Variants in MIDN observed in about 807,000 individuals in gnomAD.
The protein encoded by MIDN is midnolin, also known as midbrain nucleolar protein.
In MIDN, 26 loss-of-function variants were observed where a neutral mutation model predicts 46.1. The observed-to-expected ratio is 0.56, with a 90% confidence interval of 0.41 to 0.78. The LOEUF (loss-of-function observed/expected upper bound fraction) is 0.78. MIDN is among the 30% of genes least tolerant of loss of function. The pLI, the probability that MIDN is intolerant of heterozygous loss-of-function variation, is 0.00. For synonymous variants in MIDN, 432 were observed against 343.3 expected, an observed-to-expected ratio of 1.26 and a Z score of -2.86; for missense variants, 850 against 771.8, an observed-to-expected ratio of 1.10 and a Z score of -1.20.
At chr19:1,251,962 CGACG>C in intron 4 of MIDN, 61 bp downstream of exon 4, 1 of 1,420,490 alleles carries the variant, frequency 7.0e-7, no homozygotes. Context: ...CCTTGGCCAC[CGACG>C]GGGCCTGGGG....
At chr19:1,256,093 C>T (rs1044830113) in intron 8 of MIDN, among the ~76,000 whole-genome samples, 20 of 152,380 alleles carry the variant, frequency 1.3e-4, no homozygotes, top group South Asian at 6.2e-4. Flanking sequence ...TACTCCCAAA[C>T]GGCGGGTTAC....
At position 1,258,720 on chromosome 19, in the gene MIDN, G is replaced by A. The variant is rs560902373; in HGVS notation, c.*1448G>A. On this transcript the variant is annotated 3_prime_UTR_variant, in exon 9 of 9. Transcript: ENST00000682408. ...CTGTAGCGCTGTAAATTTTTTTGTG[G>A]GAGGGTGGGCAGGGAGGGGTCCCAG... is the stretch of plus-strand genomic sequence containing the variant. The A allele has an allele frequency of 6.6e-5, 10 of 151,208 alleles. No individual in the cohort carries two copies. The highest frequency in any genetic ancestry group is 1.5e-4 in the Non-Finnish European group (10 of 67,734). 9.4% of individuals were successfully genotyped at this position (151,208 alleles called of 1,614,324 possible). A position where few individuals can be genotyped will look rare whatever the true frequency, so the allele number is the denominator to read the frequency against.
rs1259894674 is a variant in MIDN at position 1,257,904 on chromosome 19, T to TC, written c.*632_*633insC. ...CACTCCTATCCTCTTTTCTTGATCT[T>TC]TTTTTTGCATTTTCCTTCATTTCTT... On this transcript the variant is annotated 3_prime_UTR_variant, in exon 9 of 9. Transcript: ENST00000682408. 1 of 149,892 alleles carries TC rather than the reference T, an allele frequency of 6.7e-6. No individual in the cohort carries two copies. The highest frequency in any genetic ancestry group is 2.5e-5 in the African/African-American group (1 of 39,224). 9.3% of individuals were successfully genotyped at this position (149,892 alleles called of 1,614,324 possible).
intron 2 of MIDN, among the ~76,000 whole-genome samples, chr19:1,250,786 G>A (rs2081116326): frequency 6.6e-6 from 1 of 151,840 alleles, no homozygotes; most frequent in Non-Finnish European, 1.5e-5. Flanking sequence ...GGAATCCCAG[G>A]GCGTTGCGGG....
At chr19:1,252,566 C>T (rs1465071936) in intron 4 of MIDN, among the ~76,000 whole-genome samples, 18 of 150,492 alleles carry the variant, frequency 1.2e-4, no homozygotes, top group Admixed American at 5.3e-4. Flanking sequence ...TTTTCTCCTT[C>T]TTTCCTCATT....
intron 4 of MIDN, among the ~76,000 whole-genome samples, chr19:1,252,665 A>G (rs1367449139): frequency 3.3e-5 from 5 of 151,822 alleles, no homozygotes; most frequent in Non-Finnish European, 7.4e-5. Context: ...GCCCGCTGCC[A>G]GGGTGGGGGA....
Position 1,254,055 on chromosome 19 carries a change from C to T in MIDN, c.486C>T (p.Ser162=). The change falls in exon 5 of 9, where the codon AGC becomes AGT. Residue 162 remains serine (S), a synonymous_variant. Transcript: ENST00000682408. ...KRPWHRQGPQ[S]PERGGERPQV... ...CGTGGCACCGACAGGGACCCCAGAG[C>T]CCAGAGAGGGGCGGCGAGAGGCCCC... is the stretch of plus-strand genomic sequence containing the variant. 1 of 1,461,778 alleles carries T rather than the reference C, an allele frequency of 6.8e-7. No homozygotes were observed. Among genetic ancestry groups the T allele is most frequent in the East Asian group, 2.7e-5 (1 of 36,572 alleles). 90.6% of individuals were successfully genotyped at this position (1,461,778 alleles called of 1,614,324 possible).
Position 1,257,303 on chromosome 19 carries a change from C to A in MIDN, c.*31C>A. 1 of 1,599,050 alleles carries A rather than the reference C, an allele frequency of 6.3e-7. No individual in the cohort carries two copies. The highest frequency in any genetic ancestry group is 8.5e-7 in the Non-Finnish European group (1 of 1,169,950). On this transcript the variant is annotated 3_prime_UTR_variant, in exon 9 of 9. Transcript: ENST00000682408. Reference sequence around the variant, plus strand: ...TCGGATCGGCCACCCTCGCCCCTCGCACCCCAGCCCAGGGCGGCGGGGACT... The same window carrying A: ...TCGGATCGGCCACCCTCGCCCCTCGAACCCCAGCCCAGGGCGGCGGGGACT...
intron 2 of MIDN, 31 bp downstream of exon 2, chr19:1,250,560 C>G: frequency 8.9e-7 from 1 of 1,118,894 alleles, no homozygotes; most frequent in East Asian, 4.3e-5. Flanking sequence ...GCCGGCCGCC[C>G]CCTCGGGCCC....
In MIDN at chr19:1,257,538, C is replaced by CTCCT. The variant is rs113517572; in HGVS notation, c.*266_*267insTCCT. 9.3e-6 allele frequency: 4 copies of CTCCT among 430,094 alleles called. No homozygotes were observed. The highest frequency in any genetic ancestry group is 4.2e-5 in the East Asian group (1 of 23,814). The allele number at this position is 430,094 out of a possible 1,614,324, so 26.6% of individuals were successfully genotyped here. A position where few individuals can be genotyped will look rare whatever the true frequency, so the allele number is the denominator to read the frequency against. On this transcript the variant is annotated 3_prime_UTR_variant, in exon 9 of 9. Coordinates refer to ENST00000682408, the MANE Select transcript of MIDN (RefSeq NM_001388306.1). ...CCTCTTCCTCCTCCTCCTCCTCCTCCGTCTGTCTCCTTTCACCTCTGCGCC... is the reference window on the plus strand; with the variant it reads ...CCTCTTCCTCCTCCTCCTCCTCCTCCTCCTGTCTGTCTCCTTTCACCTCTGCGCC...
chr19:1,256,206 G>T (rs112211582), intron 8 of MIDN, among the ~76,000 whole-genome samples: 3,144 of 152,362 alleles, frequency 0.021, 60 homozygotes, highest in Admixed American at 0.032. Flanking sequence ...GAAACTGGCC[G>T]GGCGCGGTGG....
chr19:1,257,450 C>G lies in MIDN; in HGVS notation c.*178C>G, dbSNP rs555189815. The stretch of plus-strand genomic sequence containing the variant: ...TTTTCTTTTTTTAAAAAGTTCTGAC[C>G]GTGGTTTCCTGGACTCTTCATGGGC... On this transcript the variant is annotated 3_prime_UTR_variant, in exon 9 of 9. Coordinates refer to ENST00000682408, the MANE Select transcript of MIDN (RefSeq NM_001388306.1). The G allele has an allele frequency of 1.7e-6, 1 of 583,356 alleles. No homozygotes were observed. Among genetic ancestry groups the G allele is most frequent in the Non-Finnish European group, 3.0e-6 (1 of 333,028 alleles). The allele number at this position is 583,356 out of a possible 1,614,324, so 36.1% of individuals were successfully genotyped here.
intron 8 of MIDN, 73 bp downstream of exon 8, chr19:1,255,767 G>T (rs948441553): frequency 2.2e-6 from 3 of 1,378,774 alleles, no homozygotes; most frequent in Non-Finnish European, 9.6e-7. Flanking sequence ...GTGTGAGCTG[G>T]TGGGCTCAGG....
At chr19:1,253,425 C>A (rs77257696) in intron 4 of MIDN, among the ~76,000 whole-genome samples, 3 of 150,432 alleles carry the variant, frequency 2.0e-5, no homozygotes, top group African/African-American at 4.9e-5. Context: ...TCCGCCACCC[C>A]CCCCCCCATC....
At chr19:1,251,684 CCCCG>C in intron 3 of MIDN, 35 bp downstream of exon 3, 1 of 1,586,118 alleles carries the variant, frequency 6.3e-7, no homozygotes, top group South Asian at 1.1e-5. Flanking sequence ...CCCCAGAGGC[CCCCG>C]CACACAGGCA....
intron 4 of MIDN, among the ~76,000 whole-genome samples, chr19:1,253,393 C>A (rs1229530010): frequency 6.6e-6 from 1 of 150,956 alleles, no homozygotes; most frequent in Non-Finnish European, 1.5e-5. Flanking sequence ...GTCATCCCAG[C>A]CTATGTCACT....
intron 4 of MIDN, 116 bp downstream of exon 4, chr19:1,252,017 G>C (rs2081135795): frequency 1.2e-6 from 1 of 816,608 alleles, no homozygotes; most frequent in Non-Finnish European, 2.0e-6. Context: ...GGGAGGGGAC[G>C]CGCCACCCCG....
chr19:1,255,622 G>A lies in MIDN; in HGVS notation c.1186G>A (p.Glu396Lys), dbSNP rs768320010. The A allele has an allele frequency of 1.2e-5, 20 of 1,607,850 alleles. No homozygotes were observed. The highest frequency in any genetic ancestry group is 8.0e-5 in the African/African-American group (6 of 74,906). ...CCTGGCCCCCAGAACTACCTCCTGC[G>A]AGAAGCTCACGGCTGCCCCCTCAGC... is the stretch of plus-strand genomic sequence containing the variant. ...PDLAPRTTSC[E>K]KLTAAPSASL... Residue 396 changes from glutamate to lysine, a missense_variant, in exon 8 of 9, where the codon GAG (glutamate) becomes AAG (lysine). Transcript: ENST00000682408.
rs747854078 is a variant in MIDN, at chr19:1,257,378, C to T, written c.*106C>T. 2 of 817,456 alleles carry T rather than the reference C, an allele frequency of 2.4e-6. No homozygotes were observed. The highest frequency in any genetic ancestry group is 4.0e-6 in the Non-Finnish European group (2 of 501,978). The allele number at this position is 817,456 out of a possible 1,614,324, so 50.6% of individuals were successfully genotyped here. A position where few individuals can be genotyped will look rare whatever the true frequency, so the allele number is the denominator to read the frequency against. ...CCCAGCCCTGGAGGGCAGGCGGCCA[C>T]TCCCCCAGCCAGAAGTCTTTTTTTC... On this transcript the variant is annotated 3_prime_UTR_variant, in exon 9 of 9. Coordinates refer to ENST00000682408, the MANE Select transcript of MIDN (RefSeq NM_001388306.1).
Sources: gnomAD v4.1 joint callset for allele counts (sites outside exome capture counted in the v4.1 genomes callset) on GRCh38, gnomAD v4.1.1 for gene constraint, MANE v1.5 for transcripts, NCBI Gene and HGNC (gene_info 2026-07-23, HGNC 2026-07-21) for gene names.